RGS8: variants seen among roughly 807,000 people sequenced by gnomAD.
The protein encoded by RGS8 is regulator of G protein signaling 8, also known as regulator of G-protein signaling 8.
A neutral mutation model predicts 21.7 loss-of-function variants in RGS8; 8 were observed. The observed-to-expected ratio is 0.37, with a 90% CI of 0.22 to 0.66. The LOEUF is 0.66. Ranked by LOEUF, RGS8 falls within the 30% of genes least tolerant of loss-of-function variation. RGS8 has a pLI of 0.59. For missense variants in RGS8, 157 were observed against 217.9 expected, an observed-to-expected ratio of 0.72 and a Z score of 1.76; for synonymous variants, 80 against 83.6, an observed-to-expected ratio of 0.96 and a Z score of 0.24.
At chr1:182,642,354 G>T (rs1344028430), downstream of RGS8, 1 of 152,404 alleles carries the variant, frequency 6.6e-6, no homozygotes, top group African/African-American at 2.4e-5. Context: ...ACACTTGGAA[G>T]AGTGAAGGGT....
chr1:182,699,709 C>G, the RGS8 span, among the ~76,000 whole-genome samples: 1 of 152,070 alleles, frequency 6.6e-6, no homozygotes, highest in African/African-American at 2.4e-5. Flanking sequence ...ACGGGATTAC[C>G]GGGGAGGGAT....
chr1:182,648,816 T>C (rs144362163), intron 5 of RGS8, among the ~76,000 whole-genome samples: 420 of 151,524 alleles, frequency 2.8e-3, no homozygotes, highest in Non-Finnish European at 4.9e-3. Flanking sequence ...TCAAGAGTCA[T>C]AGGGCTGGAC....
At chr1:182,681,950 G>A (rs2102457823) in intron 1 of RGS8, among the ~76,000 whole-genome samples, 1 of 152,332 alleles carries the variant, frequency 6.6e-6, no homozygotes, top group South Asian at 2.1e-4. Flanking sequence ...ATTCCATGCA[G>A]AGAACACTGG....
At chr1:182,752,217 C>G in the RGS8 span, among the ~76,000 whole-genome samples, 6 of 152,216 alleles carry the variant, frequency 3.9e-5, no homozygotes, top group African/African-American at 1.4e-4. Context: ...AGAGGCTGGG[C>G]TGAGCCAGCT....
the RGS8 span, among the ~76,000 whole-genome samples, chr1:182,721,234 G>A: frequency 2.1e-4 from 32 of 151,758 alleles, no homozygotes; most frequent in African/African-American, 7.7e-4. Context: ...TGCCTATCAT[G>A]TCCCAGGTTC....
chr1:182,715,570 T>A, the RGS8 span, among the ~76,000 whole-genome samples: 1 of 152,224 alleles, frequency 6.6e-6, no homozygotes, highest in Admixed American at 6.5e-5. Context: ...ACCCAGATTG[T>A]GGGGCTCTAT....
chr1:182,747,831 G>A, the RGS8 span, among the ~76,000 whole-genome samples: 5 of 142,148 alleles, frequency 3.5e-5, no homozygotes, highest in East Asian at 2.1e-4. Context: ...GCGGAACCCC[G>A]TCTCTACTAA....
the RGS8 span, among the ~76,000 whole-genome samples, chr1:182,743,596 A>G: frequency 6.6e-6 from 1 of 152,186 alleles, no homozygotes; most frequent in Non-Finnish European, 1.5e-5. Flanking sequence ...ATCATTTCCC[A>G]CTAGCTCTCT....
chr1:182,695,073 T>C, the RGS8 span, among the ~76,000 whole-genome samples: 1 of 82,332 alleles, frequency 1.2e-5, no homozygotes, highest in African/African-American at 5.1e-5. Flanking sequence ...TACCTATTGA[T>C]AGACTGTATT....
chr1:182,731,985 G>T, the RGS8 span, among the ~76,000 whole-genome samples: 1 of 152,164 alleles, frequency 6.6e-6, no homozygotes, highest in Admixed American at 6.5e-5. Context: ...CTGTGGGAAA[G>T]TTACTGCAAT....
At chr1:182,694,249 C>T in the RGS8 span, among the ~76,000 whole-genome samples, 2 of 152,162 alleles carry the variant, frequency 1.3e-5, no homozygotes, top group Non-Finnish European at 2.9e-5. Context: ...TTACACCTGT[C>T]ATGACATCTC....
chr1:182,740,562 T>TG, the RGS8 span, among the ~76,000 whole-genome samples: 45 of 143,958 alleles, frequency 3.1e-4, no homozygotes, highest in South Asian at 1.6e-3. Context: ...TTTTTTTTTT[T>TG]TTTTTTTTTT....
upstream of RGS8, among the ~76,000 whole-genome samples, chr1:182,676,849 C>T (rs1664377574): frequency 1.3e-5 from 2 of 152,202 alleles, no homozygotes; most frequent in African/African-American, 2.4e-5. Context: ...CACCAACGAA[C>T]ATCACCAAGA....
chr1:182,679,904 T>C (rs1664487164), intron 1 of RGS8, among the ~76,000 whole-genome samples: 2 of 152,170 alleles, frequency 1.3e-5, no homozygotes, highest in Non-Finnish European at 2.9e-5. Flanking sequence ...CACCATCTAC[T>C]GAGTAACTCA....
the RGS8 span, among the ~76,000 whole-genome samples, chr1:182,706,906 T>G: frequency 6.6e-6 from 1 of 152,070 alleles, no homozygotes; most frequent in African/African-American, 2.4e-5. Context: ...TTTCTAAAAC[T>G]AAGTATCTTA....
At chr1:182,655,840 G>A (rs1663248439) in intron 5 of RGS8, among the ~76,000 whole-genome samples, 1 of 152,046 alleles carries the variant, frequency 6.6e-6, no homozygotes, top group South Asian at 2.1e-4. Flanking sequence ...GTCAATGTCA[G>A]TGTCATCACC....
At chr1:182,674,151 G>A (rs138665912), upstream of RGS8, among the ~76,000 whole-genome samples, 9 of 152,242 alleles carry the variant, frequency 5.9e-5, no homozygotes, top group South Asian at 4.2e-4. Flanking sequence ...CTAAAACAGC[G>A]GAACAAAGGC....
intron 5 of RGS8, among the ~76,000 whole-genome samples, chr1:182,663,585 G>C (rs1298295946): frequency 6.6e-6 from 1 of 152,034 alleles, no homozygotes; most frequent in Non-Finnish European, 1.5e-5. Flanking sequence ...CTGGAATATA[G>C]TGGTGTGATC....
chr1:182,732,169 C>T, the RGS8 span, among the ~76,000 whole-genome samples: 1 of 152,024 alleles, frequency 6.6e-6, no homozygotes, highest in Non-Finnish European at 1.5e-5. Flanking sequence ...CTATTAATTT[C>T]ATCTTCAAAA....
Sources: gnomAD v4.1 joint callset for allele counts (sites outside exome capture counted in the v4.1 genomes callset) on GRCh38, gnomAD v4.1.1 for gene constraint, MANE v1.5 for transcripts, NCBI Gene and HGNC (gene_info 2026-07-23, HGNC 2026-07-21) for gene names.